The following UNC5D variants were observed in gnomAD, a reference collection of about 807,000 sequenced individuals.
UNC5D encodes unc-5 netrin receptor D.
In UNC5D, 39 loss-of-function variants were observed where a neutral mutation model predicts 105.4. The observed-to-expected ratio is 0.37, with a 90% CI of 0.29 to 0.48. The LOEUF is 0.48. Among genes scored for constraint, UNC5D ranks in the 20% least tolerant of loss-of-function variants. The pLI, the probability that UNC5D is intolerant of heterozygous loss-of-function variation, is 0.98. For synonymous variants in UNC5D, 452 were observed against 450.4 expected, an observed-to-expected ratio of 1.00 and a Z score of -0.04; for missense variants, 991 against 1,202.4, an observed-to-expected ratio of 0.82 and a Z score of 2.60.
chr8:35,661,170 C>G (rs1824082391), intron 4 of UNC5D, among the ~76,000 whole-genome samples: 1 of 151,678 alleles, frequency 6.6e-6, no homozygotes, highest in African/African-American at 2.4e-5. Flanking sequence ...GCTGCAAGAA[C>G]AGTGCTATAC....
intron 1 of UNC5D, among the ~76,000 whole-genome samples, chr8:35,509,750 T>G (rs1455796015): frequency 6.6e-6 from 1 of 151,846 alleles, no homozygotes; most frequent in Non-Finnish European, 1.5e-5. Flanking sequence ...CAGCAGACAC[T>G]TGGTGTCCTG....
chr8:35,534,808 A>T (rs1002988187), intron 1 of UNC5D, among the ~76,000 whole-genome samples: 11 of 152,032 alleles, frequency 7.2e-5, no homozygotes, highest in African/African-American at 2.7e-4. Context: ...AAAGATTGAG[A>T]GTTACGAGAA....
At chr8:35,419,651 G>T (rs117782555) in intron 1 of UNC5D, among the ~76,000 whole-genome samples, 2 of 152,148 alleles carry the variant, frequency 1.3e-5, no homozygotes, top group African/African-American at 2.4e-5. Context: ...CAGCTCGTTC[G>T]TGTTATGGCT....
At chr8:35,562,690 G>C (rs1324947168) in intron 2 of UNC5D, among the ~76,000 whole-genome samples, 1 of 151,910 alleles carries the variant, frequency 6.6e-6, no homozygotes, top group African/African-American at 2.4e-5. Flanking sequence ...TGAGTGGTTT[G>C]AACTCCTCAT....
chr8:35,494,456 A>G (rs1279569394), intron 1 of UNC5D, among the ~76,000 whole-genome samples: 2 of 152,310 alleles, frequency 1.3e-5, no homozygotes, highest in Non-Finnish European at 2.9e-5. Flanking sequence ...TTCTGCTACA[A>G]TATTTTTTGT....
intron 1 of UNC5D, among the ~76,000 whole-genome samples, chr8:35,408,443 G>A (rs1315145990): frequency 1.3e-5 from 2 of 150,808 alleles, no homozygotes; most frequent in East Asian, 2.0e-4. Flanking sequence ...TAAAAAGTCC[G>A]TTGGAGGAAC....
chr8:35,465,791 A>T (rs1809261899), intron 1 of UNC5D, among the ~76,000 whole-genome samples: 1 of 152,130 alleles, frequency 6.6e-6, no homozygotes, highest in Admixed American at 6.6e-5. Context: ...AGGTGGGCCC[A>T]GTGCAATCCC....
chr8:35,430,756 G>C (rs1169984523), intron 1 of UNC5D, among the ~76,000 whole-genome samples: 2 of 152,118 alleles, frequency 1.3e-5, no homozygotes, highest in African/African-American at 4.8e-5. Context: ...TGAGAACAGA[G>C]GAAAAACATT....
intron 1 of UNC5D, among the ~76,000 whole-genome samples, chr8:35,304,946 T>C (rs1808228030): frequency 6.6e-6 from 1 of 152,030 alleles, no homozygotes; most frequent in African/African-American, 2.4e-5. Flanking sequence ...AAGGAAGTTA[T>C]TATATTCATT....
intron 7 of UNC5D, among the ~76,000 whole-genome samples, chr8:35,694,540 T>C (rs1437957939): frequency 2.0e-5 from 3 of 152,198 alleles, no homozygotes; most frequent in African/African-American, 7.2e-5. Context: ...CTTGAACAAG[T>C]GTCTTAATTT....
chr8:35,686,588 T>C lies in UNC5D; in HGVS notation c.963T>C (p.Ser321=). 1 of 1,603,384 alleles carries C rather than the reference T, an allele frequency of 6.2e-7. No homozygotes were observed. Among genetic ancestry groups the C allele is most frequent in the Non-Finnish European group, 8.5e-7 (1 of 1,176,786 alleles). Residue 321 remains serine, a synonymous_variant, in exon 7 of 17, where the codon AGT becomes AGC. Transcript: ENST00000404895. ...WEVWSEWSVC[S]PECEHLRIRE... ...TGTGGAGCGAATGGTCCGTCTGCAGTCCAGAGTGTGAACATTTGCGGATCC... is the reference window on the plus strand; with the variant it reads ...TGTGGAGCGAATGGTCCGTCTGCAGCCCAGAGTGTGAACATTTGCGGATCC...
At chr8:35,666,395 A>G (rs1280449844) in intron 4 of UNC5D, among the ~76,000 whole-genome samples, 1 of 152,090 alleles carries the variant, frequency 6.6e-6, no homozygotes, top group East Asian at 1.9e-4. Flanking sequence ...CCAAAATTTA[A>G]ATAAAAAACG....
intron 7 of UNC5D, among the ~76,000 whole-genome samples, chr8:35,690,369 C>T (rs1328799707): frequency 6.6e-6 from 1 of 152,142 alleles, no homozygotes; most frequent in Non-Finnish European, 1.5e-5. Context: ...TGGCTCATAC[C>T]TGTAATCCCA....
At chr8:35,332,066 G>A (rs1281520710) in intron 1 of UNC5D, among the ~76,000 whole-genome samples, 2 of 152,156 alleles carry the variant, frequency 1.3e-5, no homozygotes, top group Non-Finnish European at 2.9e-5. Context: ...ATATAAAGAT[G>A]CCTTACATTG....
At chr8:35,568,409 C>A (rs1175957305) in intron 3 of UNC5D, among the ~76,000 whole-genome samples, 168 bp downstream of exon 3, 2 of 152,240 alleles carry the variant, frequency 1.3e-5, no homozygotes, top group Non-Finnish European at 2.9e-5. Flanking sequence ...TCTGGCCAGG[C>A]GTGGCACAGT....
intron 1 of UNC5D, among the ~76,000 whole-genome samples, chr8:35,483,480 G>C (rs1810631032): frequency 6.6e-6 from 1 of 152,202 alleles, no homozygotes; most frequent in African/African-American, 2.4e-5. Flanking sequence ...TAGCAAGCAA[G>C]TCTTCCTGAA....
chr8:35,357,860 G>C (rs771188478), intron 1 of UNC5D, among the ~76,000 whole-genome samples: 13 of 152,086 alleles, frequency 8.5e-5, no homozygotes, highest in Non-Finnish European at 1.5e-4. Flanking sequence ...AAGCTATCAA[G>C]CTTCCTTCCT....
intron 1 of UNC5D, among the ~76,000 whole-genome samples, chr8:35,499,374 C>T (rs1811825725): frequency 6.6e-6 from 1 of 152,168 alleles, no homozygotes; most frequent in African/African-American, 2.4e-5. Flanking sequence ...ATTTAGTTCT[C>T]CCTCTTGGTT....
intron 4 of UNC5D, among the ~76,000 whole-genome samples, chr8:35,635,433 T>C (rs965110127): frequency 1.3e-5 from 2 of 152,192 alleles, no homozygotes; most frequent in African/African-American, 4.8e-5. Flanking sequence ...TTGTCCAAGG[T>C]CTACTCACCT....
Sources: gnomAD v4.1 joint callset for allele counts (sites outside exome capture counted in the v4.1 genomes callset) on GRCh38, gnomAD v4.1.1 for gene constraint, MANE v1.5 for transcripts, NCBI Gene and HGNC (gene_info 2026-07-23, HGNC 2026-07-21) for gene names.